MON2: variants seen among roughly 807,000 people sequenced by gnomAD.
MON2 encodes protein MON2 homolog.
MON2 carries 84 observed loss-of-function variants against 208.6 expected under a neutral mutation model. That is an observed-to-expected ratio of 0.40 (90% CI 0.34 to 0.48). MON2 has a LOEUF of 0.48. Among genes scored for constraint, MON2 ranks in the 20% least tolerant of loss-of-function variants. The pLI is 0.59. For synonymous variants in MON2, 660 were observed against 694.0 expected, an observed-to-expected ratio of 0.95 and a Z score of 0.77; for missense variants, 1,611 against 2,015.4, an observed-to-expected ratio of 0.80 and a Z score of 3.84.
chr12:62,567,382 C>T (rs547784535), intron 29 of MON2, among the ~76,000 whole-genome samples: 2 of 152,334 alleles, frequency 1.3e-5, no homozygotes, highest in Admixed American at 6.5e-5. Context: ...TTTCAGCTTT[C>T]CTTTATTTCC....
chr12:62,531,121 G>C (rs1444624775), intron 11 of MON2, among the ~76,000 whole-genome samples: 1 of 152,116 alleles, frequency 6.6e-6, no homozygotes, highest in East Asian at 1.9e-4. Context: ...CTAGATGCCT[G>C]TCTCTTATCA....
intron 22 of MON2, among the ~76,000 whole-genome samples, chr12:62,549,161 T>A (rs1210805533): frequency 1.3e-5 from 2 of 152,066 alleles, no homozygotes; most frequent in African/African-American, 2.4e-5. Context: ...CCTGTAAGCT[T>A]CTTTCTTTGT....
chr12:62,571,077 T>A (rs2074580857), intron 29 of MON2, among the ~76,000 whole-genome samples: 1 of 152,154 alleles, frequency 6.6e-6, no homozygotes. Flanking sequence ...TACAGAATTG[T>A]GTTTCCTTCT....
intron 5 of MON2, among the ~76,000 whole-genome samples, chr12:62,499,828 G>C (rs1290015649): frequency 6.6e-6 from 1 of 151,600 alleles, no homozygotes; most frequent in Non-Finnish European, 1.5e-5. Flanking sequence ...AGCTGTGATT[G>C]CACCACTGCA....
chr12:62,543,071 C>G, intron 19 of MON2, 26 bp from the exon 20 acceptor site: 5 of 1,254,772 alleles, frequency 4.0e-6, no homozygotes, highest in Non-Finnish European at 4.5e-6. Flanking sequence ...CTTATACTAT[C>G]AAAATACAAT....
chr12:62,485,658 GCA>G (rs1471982073), intron 2 of MON2, among the ~76,000 whole-genome samples: 1 of 152,152 alleles, frequency 6.6e-6, no homozygotes, highest in African/African-American at 2.4e-5. Context: ...AGGCAGAGGT[GCA>G]CATGGTAGGG....
At chr12:62,521,534 A>G (rs2136172748) in intron 8 of MON2, among the ~76,000 whole-genome samples, 1 of 152,330 alleles carries the variant, frequency 6.6e-6, no homozygotes, top group East Asian at 1.9e-4. Context: ...TAAGGGGCCC[A>G]GGGACCACAC....
chr12:62,546,263 A>G (rs1481631038), intron 21 of MON2, among the ~76,000 whole-genome samples: 1 of 152,198 alleles, frequency 6.6e-6, no homozygotes, highest in Non-Finnish European at 1.5e-5. Flanking sequence ...CTCTCCAAAT[A>G]TATCTAGAGA....
chr12:62,570,129 A>C (rs1449917528), intron 29 of MON2, among the ~76,000 whole-genome samples: 1 of 152,186 alleles, frequency 6.6e-6, no homozygotes, highest in Non-Finnish European at 1.5e-5. Context: ...AGAGAAATTC[A>C]TTCTGAACCA....
intron 2 of MON2, among the ~76,000 whole-genome samples, chr12:62,489,115 T>C (rs1169248597): frequency 6.6e-6 from 1 of 152,170 alleles, no homozygotes; most frequent in African/African-American, 2.4e-5. Flanking sequence ...AATTATTTCT[T>C]AATAAATTTC....
rs869145698 is a variant in MON2 at position 62,534,518 on chromosome 12, CAAAAAAAA to C, written c.1634-309_1634-302del. Among the ~76,000 whole-genome samples the C allele has an allele frequency of 5.6e-3, 376 of 67,152 alleles. 30 individuals are homozygous for C. The highest frequency in any genetic ancestry group is 0.018 in the Admixed American group (72 of 4,004). 44.1% of individuals were successfully genotyped at this position (67,152 alleles called of 152,430 possible). ...TGGGCAACAGAGCAAGACTCCATCG[CAAAAAAAA>C]AAAAAAAAAAAAAAAAATATATATA... On this transcript the variant is annotated intron_variant, in intron 12 of 34. Coordinates refer to ENST00000393630, the MANE Select transcript of MON2 (RefSeq NM_015026.3).
chr12:62,499,018 A>G lies in MON2; in HGVS notation c.535A>G (p.Arg179Gly). The G allele has an allele frequency of 6.2e-7, 1 of 1,613,310 alleles. No homozygotes were observed. The highest frequency in any genetic ancestry group is 8.5e-7 in the Non-Finnish European group (1 of 1,179,728). The part of the protein sequence containing the change: ...VRQVVTVVFE[R>G]MVAEDERHRD... ...ACAAGTTGTTACTGTTGTTTTTGAG[A>G]GGATGGTTGCTGAAGATGAACGACA... The change falls in exon 5 of 35, where the codon AGG (arginine) becomes GGG (glycine). Residue 179 changes from arginine (R) to glycine (G), a missense_variant. Physicochemically the swap from Arg to Gly is moderately radical, Grantham distance 125. Coordinates refer to ENST00000393630, the MANE Select transcript of MON2 (RefSeq NM_015026.3).
intron 14 of MON2, among the ~76,000 whole-genome samples, 157 bp from the exon 15 acceptor site, chr12:62,536,994 A>G (rs1223754661): frequency 9.9e-5 from 15 of 152,064 alleles, no homozygotes; most frequent in Admixed American, 2.6e-4. Context: ...CCAGCCCCTC[A>G]TGAGTTTTTT....
Position 62,484,967 on chromosome 12 carries a change from A to T in MON2, c.175+734A>T, listed in dbSNP as rs532550795. 6.3e-5 allele frequency: 9 copies of T among 141,946 alleles called. No individual in the cohort carries two copies. In the East Asian group the frequency reaches 1.2e-3, roughly 19 times the overall value. 8.8% of individuals were successfully genotyped at this position (141,946 alleles called of 1,614,324 possible). ...CTGTTATATGCAAGGCACTTGTGTC[A>T]TTCTATCTTACATAACAACCTTGTG... On this transcript the variant is annotated intron_variant, in intron 2 of 34. Coordinates refer to ENST00000393630, the MANE Select transcript of MON2 (RefSeq NM_015026.3).
chr12:62,553,053 G>T lies in MON2; in HGVS notation c.3089G>T (p.Gly1030Val). ...TGGTTATGTCTTTATGCAAAATTGG[G>T]TGAACTATGTGTGGATCCCCGTCCT... ...CLWLCLYAKL[G>V]ELCVDPRPAV... is the part of the protein sequence containing the mutation. Residue 1030 changes from glycine (G) to valine (V), a missense_variant, in exon 24 of 35, where the codon GGT (glycine) becomes GTT (valine). Gly to Val is a moderately radical substitution (Grantham distance 109). Transcript: ENST00000393630. 1 of 1,614,148 alleles carries T rather than the reference G, an allele frequency of 6.2e-7. No homozygotes were observed.
At chr12:62,574,081 A>G (rs1345962795) in intron 30 of MON2, among the ~76,000 whole-genome samples, 1 of 152,044 alleles carries the variant, frequency 6.6e-6, no homozygotes, top group Non-Finnish European at 1.5e-5. Context: ...CCTTTCAGTG[A>G]CTCATTTTTC....
At position 62,534,875 on chromosome 12, in the gene MON2, A is replaced by T; in HGVS notation, c.1664A>T (p.Asn555Ile). Residue 555 changes from asparagine (N) to isoleucine (I), a missense_variant, in exon 13 of 35, where the codon AAT (asparagine) becomes ATT (isoleucine). Coordinates refer to ENST00000393630, the MANE Select transcript of MON2 (RefSeq NM_015026.3). ...VSRAVWEEMV[N>I]ACWCGLLAAL... ...AGGGCTGTTTGGGAAGAAATGGTGAATGCCTGCTGGTGTGGTCTTCTTGCT... is the reference window on the plus strand; with the variant it reads ...AGGGCTGTTTGGGAAGAAATGGTGATTGCCTGCTGGTGTGGTCTTCTTGCT... 6.2e-7 allele frequency: 1 copy of T among 1,612,426 alleles called. No homozygotes were observed.
chr12:62,509,260 A>G (rs949042844), intron 8 of MON2: 7 of 151,568 alleles, frequency 4.6e-5, no homozygotes, highest in South Asian at 2.1e-4. Context: ...GACTACAGGC[A>G]CCCACCGCCA....
At chr12:62,503,137 T>C (rs2070928495) in intron 7 of MON2, among the ~76,000 whole-genome samples, 1 of 152,194 alleles carries the variant, frequency 6.6e-6, no homozygotes, top group African/African-American at 2.4e-5. Context: ...TCCTTACATA[T>C]TAATATTCTC....
Sources: allele counts gnomAD v4.1 joint callset (sites outside exome capture counted in the v4.1 genomes callset), GRCh38; gene constraint gnomAD v4.1.1; transcripts MANE v1.5; gene names NCBI Gene and HGNC (gene_info 2026-07-23, HGNC 2026-07-21).